Variants in LIMK2 observed in about 807,000 individuals in gnomAD.
LIMK2 encodes LIM domain kinase 2.
LIMK2 carries 35 observed loss-of-function variants against 75.7 expected under a neutral mutation model. The observed-to-expected ratio is 0.46, with a 90% confidence interval of 0.35 to 0.61. LIMK2 has a LOEUF of 0.61. LIMK2 is among the 20% of genes least tolerant of loss of function. The pLI, the probability that LIMK2 is intolerant of heterozygous loss-of-function variation, is 0.00. For synonymous variants in LIMK2, 301 were observed against 319.2 expected, an observed-to-expected ratio of 0.94 and a Z score of 0.61; for missense variants, 623 against 831.0, an observed-to-expected ratio of 0.75 and a Z score of 3.08.
At position 31,279,681 on chromosome 22, in the gene LIMK2, T is replaced by C. The variant is rs1229543783; in HGVS notation, c.*1240T>C. ...CACAACTAGATTTGCCTCTTCTAAGTGTCTATGAGCTTGCACCATATTTAA... is the reference window on the plus strand; with the variant it reads ...CACAACTAGATTTGCCTCTTCTAAGCGTCTATGAGCTTGCACCATATTTAA... On this transcript the variant is annotated 3_prime_UTR_variant, in exon 16 of 16. Coordinates refer to ENST00000331728, the MANE Select transcript of LIMK2 (RefSeq NM_005569.4). The C allele has an allele frequency of 6.6e-6, 1 of 152,252 alleles. No individual in the cohort carries two copies. Among genetic ancestry groups the C allele is most frequent in the African/African-American group, 2.4e-5 (1 of 41,454 alleles). 9.4% of individuals were successfully genotyped at this position (152,252 alleles called of 1,614,324 possible). A position where few individuals can be genotyped will look rare whatever the true frequency, so the allele number is the denominator to read the frequency against.
At chr22:31,261,258 T>G (rs1017292057) in intron 5 of LIMK2, among the ~76,000 whole-genome samples, 3 of 151,938 alleles carry the variant, frequency 2.0e-5, no homozygotes, top group African/African-American at 7.3e-5. Flanking sequence ...GTCAAGAGTT[T>G]GGGATTAGGC....
At chr22:31,231,385 T>C (rs2048527198) in intron 2 of LIMK2, among the ~76,000 whole-genome samples, 1 of 152,254 alleles carries the variant, frequency 6.6e-6, no homozygotes, top group Admixed American at 6.5e-5. Flanking sequence ...CCACACTTAC[T>C]AACCTAAACC....
intron 2 of LIMK2, among the ~76,000 whole-genome samples, chr22:31,239,574 C>T (rs2048607045): frequency 6.6e-6 from 1 of 152,228 alleles, no homozygotes; most frequent in Non-Finnish European, 1.5e-5. Context: ...GAGCCCCCCG[C>T]CAAATCCACC....
At chr22:31,246,183 G>GCACACACA (rs57524309) in intron 2 of LIMK2, among the ~76,000 whole-genome samples, 1,660 of 135,060 alleles carry the variant, frequency 0.012, 23 homozygotes, top group South Asian at 0.052. Flanking sequence ...ACGCACGCAC[G>GCACACACA]CACACACACA....
chr22:31,277,903 A>G (rs937416160), intron 15 of LIMK2, among the ~76,000 whole-genome samples: 1 of 152,302 alleles, frequency 6.6e-6, no homozygotes, highest in South Asian at 2.1e-4. Flanking sequence ...AGGTGACATG[A>G]CATTTAAGCA....
rs2049057015 is a variant in LIMK2 at position 31,278,700 on chromosome 22, G to T, written c.*259G>T. The stretch of plus-strand genomic sequence containing the variant: ...AGCTGTGAAGAAGAAAAAAACCCCT[G>T]GCCTTTGGGCCAGGAGGAATCTGTT... On this transcript the variant is annotated 3_prime_UTR_variant, in exon 16 of 16. Coordinates refer to ENST00000331728, the MANE Select transcript of LIMK2 (RefSeq NM_005569.4). The T allele has an allele frequency of 3.1e-6, 1 of 317,916 alleles. No individual in the cohort carries two copies. Among genetic ancestry groups the T allele is most frequent in the Admixed American group, 4.7e-5 (1 of 21,260 alleles). 19.7% of individuals were successfully genotyped at this position (317,916 alleles called of 1,614,324 possible).
rs1568997758 is a variant in LIMK2, at chr22:31,262,307, G to A, written c.657+68G>A. The A allele has an allele frequency of 7.9e-6, 10 of 1,271,336 alleles. No individual in the cohort carries two copies. Among genetic ancestry groups the A allele is most frequent in the Non-Finnish European group, 1.2e-5 (10 of 868,792 alleles). The allele number at this position is 1,271,336 out of a possible 1,614,324, so 78.8% of individuals were successfully genotyped here. ...AACAGATCCTCTGAGAAATCAGGCT[G>A]TAGCCTTTACCTTTTCCTACCCCCA... On this transcript the variant is annotated intron_variant, in intron 6 of 15. Transcript: ENST00000331728. The surrounding 1 kb of genome is among the most constrained non-coding windows in gnomAD (Gnocchi z 5.0).
intron 2 of LIMK2, among the ~76,000 whole-genome samples, chr22:31,255,121 G>T (rs77898655): frequency 1.2e-3 from 188 of 152,270 alleles, no homozygotes; most frequent in Non-Finnish European, 2.3e-3. Context: ...GAAAAACACA[G>T]ATATGCACAG....
At chr22:31,259,013 CG>C in intron 3 of LIMK2, 107 bp from the exon 4 acceptor site, 1 of 655,764 alleles carries the variant, frequency 1.5e-6, no homozygotes. Context: ...TGGATTTTGA[CG>C]GGGGCCTTGC....
rs1568985848 is a variant in LIMK2 at position 31,231,702 on chromosome 22, G to A, written c.116+5883G>A. Among the ~76,000 whole-genome samples the A allele has an allele frequency of 3.9e-5, 6 of 152,318 alleles. No homozygotes were observed. In the South Asian group the frequency reaches 1.2e-3, roughly 32 times the overall value. On this transcript the variant is annotated intron_variant, in intron 2 of 15. Coordinates refer to ENST00000331728, the MANE Select transcript of LIMK2 (RefSeq NM_005569.4). ...CAGATGTTTCACAGCTTCTATAGGA[G>A]GCAGAGGTAGAAAAATGGAGAGAGA...
At chr22:31,228,233 A>G (rs554445326) in intron 2 of LIMK2, among the ~76,000 whole-genome samples, 122 of 152,222 alleles carry the variant, frequency 8.0e-4, no homozygotes, top group Non-Finnish European at 1.5e-3. Context: ...CCTGACCAAC[A>G]TGGTGAAACC....
intron 1 of LIMK2, among the ~76,000 whole-genome samples, chr22:31,217,590 G>A (rs2048399120): frequency 6.6e-6 from 1 of 152,174 alleles, no homozygotes; most frequent in African/African-American, 2.4e-5. Flanking sequence ...GACATTGTCT[G>A]GCATAAAGTA....
At chr22:31,224,259 C>T (rs1475474892) in intron 1 of LIMK2, among the ~76,000 whole-genome samples, 1 of 152,174 alleles carries the variant, frequency 6.6e-6, no homozygotes, top group Non-Finnish European at 1.5e-5. Flanking sequence ...CATGGACCGA[C>T]TCTGTGCTTT....
intron 8 of LIMK2, 40 bp downstream of exon 8, chr22:31,266,172 G>A (rs562048492): frequency 8.1e-6 from 13 of 1,595,092 alleles, no homozygotes; most frequent in Admixed American, 6.7e-5. Flanking sequence ...TCTGCCCCCA[G>A]TCCCTCTGTC....
chr22:31,217,658 T>C (rs1202922315), intron 1 of LIMK2, among the ~76,000 whole-genome samples: 1 of 152,198 alleles, frequency 6.6e-6, no homozygotes, highest in Non-Finnish European at 1.5e-5. Flanking sequence ...AATATATCAA[T>C]TGGTTAACCA....
chr22:31,267,899 CGCAGTATGGTGA>C lies in LIMK2; in HGVS notation c.1256_1260+7del. On this transcript the variant is annotated splice_donor_variant and splice_donor_region_variant and coding_sequence_variant and intron_variant, in exon 10 of 16. Transcript: ENST00000331728. LOFTEE classifies it high-confidence loss of function. ...GGGGGGCACACTGAAGGACTTTCTGCGCAGTATGGTGAGCACACCACCCCATAGTCTCCAGGA... is the reference window on the plus strand; with the variant it reads ...GGGGGGCACACTGAAGGACTTTCTGCGCACACCACCCCATAGTCTCCAGGA... 4 of 1,599,314 alleles carry C rather than the reference CGCAGTATGGTGA, an allele frequency of 2.5e-6. No individual in the cohort carries two copies. The highest frequency in any genetic ancestry group is 3.4e-6 in the Non-Finnish European group (4 of 1,173,888).
rs573085673 is a variant in LIMK2 at position 31,279,158 on chromosome 22, C to G, written c.*717C>G. The G allele has an allele frequency of 1.3e-5, 2 of 152,330 alleles. No individual in the cohort carries two copies. Among genetic ancestry groups the G allele is most frequent in the East Asian group, 1.9e-4 (1 of 5,184 alleles). 9.4% of individuals were successfully genotyped at this position (152,330 alleles called of 1,614,324 possible). A position where few individuals can be genotyped will look rare whatever the true frequency, so the allele number is the denominator to read the frequency against. ...ATACTGGAGACTGGCTGAGAACTTA[C>G]GGACAACATCCTTTCTGTCTGAAAC... On this transcript the variant is annotated 3_prime_UTR_variant, in exon 16 of 16. Transcript: ENST00000331728.
chr22:31,267,753 T>C, intron 9 of LIMK2, 23 bp from the exon 10 acceptor site: 2 of 1,572,440 alleles, frequency 1.3e-6, no homozygotes, highest in South Asian at 1.2e-5. Flanking sequence ...CCACCAGCTT[T>C]CCTTGGCTTC....
chr22:31,246,661 G>A (rs2048672940), intron 2 of LIMK2, among the ~76,000 whole-genome samples: 1 of 151,074 alleles, frequency 6.6e-6, no homozygotes, highest in Admixed American at 6.6e-5. Context: ...GCTGAGGTGA[G>A]AGGATCACTT....
Sources: allele counts gnomAD v4.1 joint callset (sites outside exome capture counted in the v4.1 genomes callset), GRCh38; gene constraint gnomAD v4.1.1; non-coding constraint Gnocchi (gnomAD v3.1); transcripts MANE v1.5; gene names NCBI Gene and HGNC (gene_info 2026-07-23, HGNC 2026-07-21).